DNAJC6: variants seen among roughly 807,000 people sequenced by gnomAD.
DNAJC6 encodes auxilin.
In DNAJC6, 34 loss-of-function variants were observed where a neutral mutation model predicts 110.0. That is an observed-to-expected ratio of 0.31 (90% CI 0.24 to 0.41). The LOEUF is 0.41. DNAJC6 is among the 10% of genes least tolerant of loss of function. The pLI is 1.00. For synonymous variants in DNAJC6, 406 were observed against 437.2 expected (o/e 0.93, Z 0.89); for missense variants, 1,031 against 1,207.8 (o/e 0.85, Z 2.17).
chr1:65,302,136 T>A (rs1462937292), intron 1 of DNAJC6, among the ~76,000 whole-genome samples: 1 of 142,004 alleles, frequency 7.0e-6, no homozygotes, highest in Admixed American at 7.2e-5. Context: ...AAAATATATA[T>A]AATACGTATT....
chr1:65,309,540 C>T (rs947446037), upstream of DNAJC6: 2 of 1,224,592 alleles, frequency 1.6e-6, no homozygotes, highest in Non-Finnish European at 2.0e-6. Context: ...CTCCCGGCGC[C>T]CCGAGCCGAG....
chr1:65,400,315 A>G (rs1371645548), intron 14 of DNAJC6, among the ~76,000 whole-genome samples: 3 of 152,218 alleles, frequency 2.0e-5, no homozygotes, highest in Non-Finnish European at 4.4e-5. Flanking sequence ...TCACATGGTT[A>G]TCATTTTTGT....
In DNAJC6 at chr1:65,267,272, T is replaced by C. The variant is rs569013046; in HGVS notation, c.-131+2340T>C. 1.1e-4 allele frequency among the ~76,000 whole-genome samples: 17 copies of C among 152,290 alleles called. No homozygotes were observed. In the South Asian group the frequency reaches 3.3e-3, roughly 30 times the overall value. On this transcript the variant is annotated intron_variant, in intron 1 of 19. Transcript: ENST00000263441. ...GAGTCAAGATTGGTAGGCTCTGGCT[T>C]GTTCAGTTATAACTCATTTGTGACC...
At chr1:65,271,954 T>G (rs516504) in intron 1 of DNAJC6, among the ~76,000 whole-genome samples, 110,577 of 151,804 alleles carry the variant, frequency 0.73, 41,442 homozygotes, top group East Asian at 0.98. Context: ...CTTATTAATT[T>G]CAATAGTTTT....
In DNAJC6 at chr1:65,389,406, C is replaced by T; in HGVS notation, c.1344C>T (p.Leu448=). 6.2e-7 allele frequency: 1 copy of T among 1,614,168 alleles called. No individual in the cohort carries two copies. Among genetic ancestry groups the T allele is most frequent in the South Asian group, 1.1e-5 (1 of 91,084 alleles). The part of the protein sequence containing the change: ...YCTKDVNPSI[L]FSSHQEHQDT... ...CAAAAGATGTCAATCCCAGCATCCT[C>T]TTCTCTTCTCACCAGGAACATCAAG... The change falls in exon 10 of 19, where the codon CTC becomes CTT. Residue 448 remains leucine, a synonymous_variant. Coordinates refer to ENST00000371069, the MANE Select transcript of DNAJC6 (RefSeq NM_001256864.2).
At chr1:65,370,019 G>T (rs1007176243) in intron 4 of DNAJC6, among the ~76,000 whole-genome samples, 2 of 152,088 alleles carry the variant, frequency 1.3e-5, no homozygotes, top group Non-Finnish European at 2.9e-5. Context: ...GGACTGCAAA[G>T]GATGTATGAA....
intron 17 of DNAJC6, among the ~76,000 whole-genome samples, chr1:65,409,421 G>T (rs186397817): frequency 3.3e-5 from 5 of 152,262 alleles, no homozygotes; most frequent in Admixed American, 3.3e-4. Flanking sequence ...TGGCAATATA[G>T]ATTTCTTTTG....
At chr1:65,398,785 T>C (rs749871566) in intron 13 of DNAJC6, 28 bp from the exon 14 acceptor site, 28 of 1,613,434 alleles carry the variant, frequency 1.7e-5, no homozygotes, top group Non-Finnish European at 2.2e-5. Context: ...TCTCTTGTTC[T>C]CATTCTTTTT....
At chr1:65,336,670 G>A (rs1157852557) in intron 1 of DNAJC6, among the ~76,000 whole-genome samples, 1 of 152,086 alleles carries the variant, frequency 6.6e-6, no homozygotes, top group African/African-American at 2.4e-5. Context: ...AACATGTAAG[G>A]GCCTAGCTGG....
At chr1:65,314,662 A>G (rs530025619) in intron 1 of DNAJC6, among the ~76,000 whole-genome samples, 39 of 151,970 alleles carry the variant, frequency 2.6e-4, no homozygotes, top group African/African-American at 9.2e-4. Flanking sequence ...TAATTTTTGT[A>G]CTTTTAGAAA....
At position 65,296,586 on chromosome 1, in the gene DNAJC6, C is replaced by CTTTT. The variant is rs11393548; in HGVS notation, c.-131+31670_-131+31673dup. Among the ~76,000 whole-genome samples, 14 of 123,506 alleles carry CTTTT rather than the reference C, an allele frequency of 1.1e-4. 1 individual carries two copies. Among genetic ancestry groups the CTTTT allele is most frequent in the East Asian group, 2.4e-4 (1 of 4,230 alleles). 81.0% of individuals were successfully genotyped at this position (123,506 alleles called of 152,430 possible). A position where few individuals can be genotyped will look rare whatever the true frequency, so the allele number is the denominator to read the frequency against. On this transcript the variant is annotated intron_variant, in intron 1 of 19. Coordinates refer to the DNAJC6 transcript ENST00000263441. ...GTAGTTATTCATTCATTCGACACAT[C>CTTTT]TTTTTTTTTTTTTTTTTTTGAGACG...
At chr1:65,304,718 G>T (rs189796065), upstream of DNAJC6, among the ~76,000 whole-genome samples, 1 of 152,114 alleles carries the variant, frequency 6.6e-6, no homozygotes, top group Non-Finnish European at 1.5e-5. Flanking sequence ...ATCTCTCTTG[G>T]GGGTATTTCT....
chr1:65,364,477 G>A (rs111716175), intron 1 of DNAJC6, among the ~76,000 whole-genome samples, 158 bp from the exon 2 acceptor site: 1 of 152,134 alleles, frequency 6.6e-6, no homozygotes, highest in African/African-American at 2.4e-5. Flanking sequence ...ATAACTCAGA[G>A]TCTATAAGTT....
chr1:65,346,799 A>G (rs1645440997), intron 1 of DNAJC6, among the ~76,000 whole-genome samples: 1 of 151,986 alleles, frequency 6.6e-6, no homozygotes, highest in Non-Finnish European at 1.5e-5. Flanking sequence ...ATTATTTTGT[A>G]CTAAATAATG....
rs532492141 is a variant in DNAJC6 at position 65,277,245 on chromosome 1, T to C, written c.-131+12313T>C. On this transcript the variant is annotated intron_variant, in intron 1 of 19. Transcript: ENST00000263441. ...ATGTAAATTTAATAAAGGATATATGTTGATTTTTAGTTACTCTTTCTTGCC... is the reference window on the plus strand; with the variant it reads ...ATGTAAATTTAATAAAGGATATATGCTGATTTTTAGTTACTCTTTCTTGCC... Among the ~76,000 whole-genome samples the C allele has an allele frequency of 2.0e-5, 3 of 152,302 alleles. No homozygotes were observed. The East Asian group carries it at 5.8e-4, about 29-fold the overall frequency.
rs200130383 is a variant in DNAJC6 at position 65,273,710 on chromosome 1, T to C, written c.-131+8778T>C. ...ATTTAGTTTAAAATATTTTATACTT[T>C]TCTTTTTGATTTTTTTGACCCATAA... On this transcript the variant is annotated intron_variant, in intron 1 of 19. Coordinates refer to the DNAJC6 transcript ENST00000263441. 2.0e-5 allele frequency among the ~76,000 whole-genome samples: 3 copies of C among 152,332 alleles called. No homozygotes were observed. The East Asian group carries it at 5.8e-4, about 29-fold the overall frequency.
chr1:65,392,858 G>A lies in DNAJC6; in HGVS notation c.1896G>A (p.Val632=). ...CCTCTGCGTCTCCAACCCTAAGAGT[G>A]GGAGAAGGTAATTTTTTCTATGTTG... The part of the protein sequence containing the change: ...TSTSASPTLR[V]GEGATFDPFG... The change falls in exon 12 of 19, where the codon GTG becomes GTA. Residue 632 remains valine, a synonymous_variant. Coordinates refer to ENST00000371069, the MANE Select transcript of DNAJC6 (RefSeq NM_001256864.2). 17 of 1,511,054 alleles carry A rather than the reference G, an allele frequency of 1.1e-5. No individual in the cohort carries two copies. Among genetic ancestry groups the A allele is most frequent in the Non-Finnish European group, 1.4e-5 (16 of 1,130,814 alleles). The allele number at this position is 1,511,054 out of a possible 1,614,324, so 93.6% of individuals were successfully genotyped here.
rs1174585301 is a variant in DNAJC6, at chr1:65,365,857, T to A, written c.345-28T>A. On this transcript the variant is annotated intron_variant, in intron 2 of 18. Coordinates refer to ENST00000371069, the MANE Select transcript of DNAJC6 (RefSeq NM_001256864.2). ...TCTTGGCATATTTGGATCATTTTAA[T>A]GAGTGCCCATTTTTGTCTTGCTTTT... 1.9e-6 allele frequency: 3 copies of A among 1,609,572 alleles called. No homozygotes were observed. In the Admixed American group the frequency reaches 5.1e-5, roughly 27 times the overall value.
At chr1:65,371,925 T>C (rs950466871) in intron 4 of DNAJC6, among the ~76,000 whole-genome samples, 1 of 152,188 alleles carries the variant, frequency 6.6e-6, no homozygotes, top group Non-Finnish European at 1.5e-5. Flanking sequence ...TATGCCTTAG[T>C]GTTTTCCCCT....
Sources: allele counts gnomAD v4.1 joint callset (sites outside exome capture counted in the v4.1 genomes callset), GRCh38; gene constraint gnomAD v4.1.1; transcripts MANE v1.5; gene names NCBI Gene and HGNC (gene_info 2026-07-23, HGNC 2026-07-21).